The following TUB variants were observed in gnomAD, a reference collection of about 807,000 sequenced individuals.
The protein encoded by TUB is TUB bipartite transcription factor.
TUB carries 33 observed loss-of-function variants against 59.7 expected under a neutral mutation model. The observed-to-expected ratio is 0.55, with a 90% CI of 0.42 to 0.74. The LOEUF is 0.74. Ranked by LOEUF, TUB falls within the 30% of genes least tolerant of loss-of-function variation. TUB has a pLI of 0.00. For missense variants in TUB, 659 were observed against 672.0 expected, an observed-to-expected ratio of 0.98 and a Z score of 0.21; for synonymous variants, 293 against 256.4, an observed-to-expected ratio of 1.14 and a Z score of -1.36.
chr11:8,025,218 T>G (rs1942484738), intron 1 of TUB, among the ~76,000 whole-genome samples: 1 of 151,840 alleles, frequency 6.6e-6, no homozygotes, highest in African/African-American at 2.4e-5. Flanking sequence ...AAAAGCAGAG[T>G]CTGGAGGAGA....
intron 2 of TUB, among the ~76,000 whole-genome samples, chr11:8,055,123 A>G (rs1942998516): frequency 6.6e-6 from 1 of 152,126 alleles, no homozygotes; most frequent in Admixed American, 6.5e-5. Context: ...TTGCCATGGA[A>G]ATCTGAAGGC....
intron 1 of TUB, among the ~76,000 whole-genome samples, chr11:8,026,910 A>G (rs1942507364): frequency 6.6e-6 from 1 of 152,148 alleles, no homozygotes; most frequent in South Asian, 2.1e-4. Flanking sequence ...ATATATTTAT[A>G]TCTGTTGAGG....
At chr11:8,101,035 A>G (rs1040217834) in intron 11 of TUB, 38 bp downstream of exon 11, 3 of 1,612,232 alleles carry the variant, frequency 1.9e-6, no homozygotes, top group Non-Finnish European at 2.5e-6. Context: ...GGTCCGTAGG[A>G]TACCCAAGGC....
In TUB at chr11:8,096,733, A is replaced by G. The variant is rs573629131; in HGVS notation, c.614A>G (p.Glu205Gly). 195 of 1,614,036 alleles carry G rather than the reference A, an allele frequency of 1.2e-4. 1 individual carries two copies. The South Asian group carries it at 2.1e-3, about 17-fold the overall frequency. ...GACGAGGATGAGGAGGATGAGGAGG[A>G]GAATAGCTCCAGCTCCTCCCAGCTA... ...SFDEDEEDEE[E>G]NSSSSSQLNS... is the part of the protein sequence containing the mutation. Residue 205 changes from glutamate to glycine, a missense_variant, in exon 6 of 12, where the codon GAG becomes GGG. Glu to Gly is a moderately conservative substitution (Grantham distance 98). Coordinates refer to ENST00000299506, the MANE Select transcript of TUB (RefSeq NM_177972.3).
chr11:8,038,647 C>T (rs1942686740), exon 1 of TUB: 2 of 1,293,776 alleles, frequency 1.5e-6, no homozygotes, highest in South Asian at 2.1e-5. Flanking sequence ...AGGATTCAGT[C>T]TGGTCCTGAA....
At position 8,088,759 on chromosome 11, in the gene TUB, T is replaced by G. The variant is rs1943714104; in HGVS notation, c.39-851T>G. Among the ~76,000 whole-genome samples the G allele has an allele frequency of 2.0e-5, 3 of 152,234 alleles. 1 individual carries two copies. The South Asian group carries it at 6.2e-4, about 32-fold the overall frequency. ...CTGGCTAGCAAAAAGCTAAGTGATTTGAGTTACCAGTTCCCTACTTGTGCC... is the reference window on the plus strand; with the variant it reads ...CTGGCTAGCAAAAAGCTAAGTGATTGGAGTTACCAGTTCCCTACTTGTGCC... On this transcript the variant is annotated intron_variant, in intron 1 of 11. Transcript: ENST00000299506.
chr11:8,090,598 C>T, intron 3 of TUB, among the ~76,000 whole-genome samples: 1 of 152,222 alleles, frequency 6.6e-6, no homozygotes, highest in South Asian at 2.1e-4. Context: ...GAATCCGTCT[C>T]ACTGTCCTGC....
Position 8,081,484 on chromosome 11 carries a change from G to T in TUB, c.-27G>T, listed in dbSNP as rs1352625073. The T allele has an allele frequency of 5.3e-6, 8 of 1,495,582 alleles. No homozygotes were observed. Among genetic ancestry groups the T allele is most frequent in the South Asian group, 1.3e-5 (1 of 78,960 alleles). The allele number at this position is 1,495,582 out of a possible 1,614,324, so 92.6% of individuals were successfully genotyped here. Reference sequence around the variant, plus strand: ...CCTCCGGGCCCCGGCCTCCAGAGCCGCAGCCACCGCCCCGCCCCCGAGAGA... The same window carrying T: ...CCTCCGGGCCCCGGCCTCCAGAGCCTCAGCCACCGCCCCGCCCCCGAGAGA... On this transcript the variant is annotated 5_prime_UTR_variant, in exon 1 of 12. Transcript: ENST00000299506.
chr11:8,030,811 T>C (rs1293259679), intron 1 of TUB, among the ~76,000 whole-genome samples: 1 of 152,114 alleles, frequency 6.6e-6, no homozygotes, highest in Non-Finnish European at 1.5e-5. Context: ...TAGGATTATC[T>C]CTTTGCAAGG....
At chr11:8,073,786 G>T (rs1489845495) in intron 2 of TUB, among the ~76,000 whole-genome samples, 6 of 152,252 alleles carry the variant, frequency 3.9e-5, no homozygotes, top group African/African-American at 1.4e-4. Flanking sequence ...GGGCAAGTGG[G>T]CAAGAGGACT....
intron 2 of TUB, among the ~76,000 whole-genome samples, chr11:8,055,870 C>A (rs1943011223): frequency 6.6e-6 from 1 of 152,192 alleles, no homozygotes; most frequent in South Asian, 2.1e-4. Context: ...CCCACTAGCC[C>A]CTTCGCTCAG....
At chr11:8,090,478 GGCCAGGA>G (rs1195958153) in intron 3 of TUB, among the ~76,000 whole-genome samples, 1 of 152,244 alleles carries the variant, frequency 6.6e-6, no homozygotes, top group Non-Finnish European at 1.5e-5. Flanking sequence ...CCTTTTATGA[GGCCAGGA>G]GTTCAGAAGT....
intron 2 of TUB, among the ~76,000 whole-genome samples, chr11:8,050,700 G>T (rs1942921147): frequency 6.6e-6 from 1 of 152,114 alleles, no homozygotes; most frequent in Non-Finnish European, 1.5e-5. Flanking sequence ...AAACGGCCTG[G>T]TTAAAGTACT....
chr11:8,039,348 G>A (rs1325085582), intron 1 of TUB, among the ~76,000 whole-genome samples: 1 of 152,130 alleles, frequency 6.6e-6, no homozygotes, highest in Non-Finnish European at 1.5e-5. Context: ...CTTCTGGAGG[G>A]CTCCTCCTTC....
intron 2 of TUB, among the ~76,000 whole-genome samples, chr11:8,051,003 C>G (rs1289580064): frequency 6.6e-6 from 1 of 152,172 alleles, no homozygotes; most frequent in Non-Finnish European, 1.5e-5. Flanking sequence ...AGCTAACGGC[C>G]AGGACCAGTT....
intron 2 of TUB, among the ~76,000 whole-genome samples, chr11:8,065,834 T>C (rs1943228914): frequency 6.6e-6 from 1 of 152,096 alleles, no homozygotes; most frequent in Non-Finnish European, 1.5e-5. Context: ...ATCTGAAAAA[T>C]AAGTTGTGTG....
intron 2 of TUB, among the ~76,000 whole-genome samples, chr11:8,054,805 C>T (rs1942992261): frequency 6.6e-6 from 1 of 152,216 alleles, no homozygotes; most frequent in Middle Eastern, 3.2e-3. Flanking sequence ...TCCTGTGTTA[C>T]TGTCACTGGG....
intron 2 of TUB, among the ~76,000 whole-genome samples, chr11:8,049,361 T>C (rs1942889953): frequency 6.6e-6 from 1 of 152,082 alleles, no homozygotes; most frequent in Admixed American, 6.6e-5. Flanking sequence ...CTAGACCAAC[T>C]AAATCAGAGT....
intron 2 of TUB, among the ~76,000 whole-genome samples, chr11:8,066,265 T>C (rs1189082461): frequency 6.6e-6 from 1 of 152,170 alleles, no homozygotes; most frequent in Non-Finnish European, 1.5e-5. Flanking sequence ...GCACACAGCA[T>C]GACAGCCTTT....
Sources: allele counts gnomAD v4.1 joint callset (sites outside exome capture counted in the v4.1 genomes callset), GRCh38; gene constraint gnomAD v4.1.1; transcripts MANE v1.5; gene names NCBI Gene and HGNC (gene_info 2026-07-23, HGNC 2026-07-21).